The following SLCO1B1 variants were observed in gnomAD, a reference collection of about 807,000 sequenced individuals.
The protein encoded by SLCO1B1 is solute carrier organic anion transporter family member 1B1.
In SLCO1B1, 81 loss-of-function variants were observed where a neutral mutation model predicts 70.1. The ratio of observed to expected loss-of-function variants is 1.16; its 90% confidence interval spans 0.97 to 1.39. The LOEUF (loss-of-function observed/expected upper bound fraction) is 1.39, where lower values mean the gene tolerates loss of function less well. SLCO1B1 is among the 40% of genes most tolerant of loss of function. The pLI is 0.00. For missense variants in SLCO1B1, 895 were observed against 799.6 expected (o/e 1.12, Z -1.44); for synonymous variants, 283 against 271.5 (o/e 1.04, Z -0.42).
At chr12:21,146,831 A>G (rs1359855909) in intron 2 of SLCO1B1, among the ~76,000 whole-genome samples, 2 of 152,286 alleles carry the variant, frequency 1.3e-5, no homozygotes, top group African/African-American at 4.8e-5. Context: ...GGTGTGTTTT[A>G]TGGCTTAGGC....
Position 21,205,817 on chromosome 12 carries a change from CTTT to C in SLCO1B1, c.1332-48_1332-46del, listed in dbSNP as rs146186292. On this transcript the variant is annotated intron_variant, in intron 10 of 14. Transcript: ENST00000256958. ...TCTTCCTTCTCCTCCCCTTCTTTGT[CTTT>C]TTCTTCTCTCTCTCTCTTTTTGATA... 3.1e-4 allele frequency: 423 copies of C among 1,386,772 alleles called. 6 individuals carry two copies. The East Asian group carries it at 8.2e-3, about 27-fold the overall frequency. 85.9% of individuals were successfully genotyped at this position (1,386,772 alleles called of 1,614,324 possible). A position where few individuals can be genotyped will look rare whatever the true frequency, so the allele number is the denominator to read the frequency against.
chr12:21,205,834 CTCTT>C (rs1941209253), intron 10 of SLCO1B1, 30 bp from the exon 11 acceptor site: 2 of 1,493,362 alleles, frequency 1.3e-6, no homozygotes, highest in East Asian at 4.6e-5. Flanking sequence ...TTCTCTCTCT[CTCTT>C]TTTGATATAT....
At chr12:21,224,607 C>T (rs937327401) in intron 13 of SLCO1B1, 115 bp from the exon 14 acceptor site, 46 of 719,572 alleles carry the variant, frequency 6.4e-5, no homozygotes, top group East Asian at 3.3e-4. Flanking sequence ...AAATAATAAA[C>T]GAATCCTCCA....
chr12:21,233,808 CA>C (rs1247735949), intron 14 of SLCO1B1, among the ~76,000 whole-genome samples: 6 of 152,214 alleles, frequency 3.9e-5, no homozygotes, highest in Admixed American at 3.9e-4. Flanking sequence ...GTGCCAGAGT[CA>C]GCCCACAGTC....
rs570692175 is a variant in SLCO1B1 at position 21,165,004 on chromosome 12, C to G, written c.85-7646C>G. Reference sequence around the variant, plus strand: ...TGTTCCTCTGTACCTGCCTCAACTACATAGCTTAGCAGACTAACTGCTATA... The same window carrying G: ...TGTTCCTCTGTACCTGCCTCAACTAGATAGCTTAGCAGACTAACTGCTATA... On this transcript the variant is annotated intron_variant, in intron 2 of 14. Coordinates refer to ENST00000256958, the MANE Select transcript of SLCO1B1 (RefSeq NM_006446.5). 2.7e-4 allele frequency: 93 copies of G among 349,776 alleles called. No individual in the cohort carries two copies. In the Admixed American group the frequency reaches 3.2e-3, roughly 12 times the overall value. 21.7% of individuals were successfully genotyped at this position (349,776 alleles called of 1,614,324 possible).
At position 21,179,025 on chromosome 12, in the gene SLCO1B1, G is replaced by A. The variant is rs1175135466; in HGVS notation, c.727+5G>A. 1.3e-6 allele frequency: 2 copies of A among 1,553,540 alleles called. No individual in the cohort carries two copies. The highest frequency in any genetic ancestry group is 1.8e-6 in the Non-Finnish European group (2 of 1,125,422). On this transcript the variant is annotated splice_donor_5th_base_variant and intron_variant, in intron 7 of 14. Coordinates refer to ENST00000256958, the MANE Select transcript of SLCO1B1 (RefSeq NM_006446.5). ...ATATTGGATATGTAGATCTAAGTAA[G>A]TACAACCAGAACAAGGTACCATGAT... is the stretch of plus-strand genomic sequence containing the variant.
intron 7 of SLCO1B1, among the ~76,000 whole-genome samples, chr12:21,180,003 T>C (rs894955329): frequency 6.6e-6 from 1 of 152,166 alleles, no homozygotes. Context: ...CTGCTTCTGT[T>C]ATTAGTGAAA....
rs1478904381 is a variant in SLCO1B1, at chr12:21,231,266, T to C, written c.1865+6427T>C. ...GGTTCCAAGTCTTTGCTATTGTGAA[T>C]AGTGCAGCAATAAACAAACTTGGCT... On this transcript the variant is annotated intron_variant, in intron 14 of 14. Coordinates refer to ENST00000256958, the MANE Select transcript of SLCO1B1 (RefSeq NM_006446.5). Among the ~76,000 whole-genome samples the C allele has an allele frequency of 2.0e-5, 3 of 152,270 alleles. No individual in the cohort carries two copies. The East Asian group carries it at 5.8e-4, about 29-fold the overall frequency.
At chr12:21,173,401 CTT>C (rs528406550) in intron 3 of SLCO1B1, among the ~76,000 whole-genome samples, 2 of 151,770 alleles carry the variant, frequency 1.3e-5, no homozygotes, top group South Asian at 2.1e-4. Context: ...GAATTTTTCT[CTT>C]TAAATTTTTT....
intron 7 of SLCO1B1, among the ~76,000 whole-genome samples, chr12:21,185,441 A>G (rs958712680): frequency 6.6e-6 from 1 of 152,120 alleles, no homozygotes; most frequent in Admixed American, 6.5e-5. Flanking sequence ...AGAAATCAAT[A>G]CCAAAAAGAT....
chr12:21,205,597 A>G (rs1369637962), intron 10 of SLCO1B1, among the ~76,000 whole-genome samples: 1 of 149,414 alleles, frequency 6.7e-6, no homozygotes, highest in Non-Finnish European at 1.5e-5. Flanking sequence ...TCTAAGTCCT[A>G]CTTAACATCT....
At chr12:21,193,515 G>A (rs1941054909) in intron 7 of SLCO1B1, among the ~76,000 whole-genome samples, 1 of 152,076 alleles carries the variant, frequency 6.6e-6, no homozygotes, top group African/African-American at 2.4e-5. Flanking sequence ...ATATTGGGTT[G>A]TATATTCTTG....
intron 11 of SLCO1B1, among the ~76,000 whole-genome samples, chr12:21,208,670 C>CCT (rs1941242375): frequency 2.6e-5 from 4 of 151,858 alleles, no homozygotes; most frequent in African/African-American, 9.7e-5. Context: ...AAAATCATGC[C>CCT]GGTTGTTTGA....
rs779059572 is a variant in SLCO1B1, at chr12:21,197,068, A to C, written c.850A>C (p.Asn284His). 51 of 1,613,674 alleles carry C rather than the reference A, an allele frequency of 3.2e-5. No homozygotes were observed. The highest frequency in any genetic ancestry group is 4.2e-5 in the Non-Finnish European group (49 of 1,179,782). Residue 284 changes from asparagine to histidine, a missense_variant, in exon 8 of 15, where the codon AAT (asparagine) becomes CAT (histidine). Transcript: ENST00000256958. Reference sequence around the variant, plus strand: ...ATTCTTTTTCTTGCCCCAAACTCCAAATAAACCACAAAAAGAAAGAAAAGC... The same window carrying C: ...ATTCTTTTTCTTGCCCCAAACTCCACATAAACCACAAAAAGAAAGAAAAGC... ...IPFFFLPQTP[N>H]KPQKERKASL... is the part of the protein sequence containing the mutation.
intron 1 of SLCO1B1, among the ~76,000 whole-genome samples, chr12:21,134,273 A>G (rs1228642052): frequency 2.0e-5 from 3 of 152,146 alleles, no homozygotes; most frequent in African/African-American, 7.2e-5. Flanking sequence ...ATGTTCATCA[A>G]GGATATTGGT....
chr12:21,189,315 A>G lies in SLCO1B1; in HGVS notation c.728-7631A>G, dbSNP rs145774720. The stretch of plus-strand genomic sequence containing the variant: ...CATTCTACAGGTGTAAGGTGTAGGA[A>G]AAGAGTGGAGTTGTGCTTTTGATTT... On this transcript the variant is annotated intron_variant, in intron 7 of 14. Transcript: ENST00000256958. Among the ~76,000 whole-genome samples, 242 of 152,274 alleles carry G rather than the reference A, an allele frequency of 1.6e-3. 3 individuals are homozygous for G. Among genetic ancestry groups the G allele is most frequent in the African/African-American group, 5.8e-3 (239 of 41,556 alleles).
intron 9 of SLCO1B1, 140 bp downstream of exon 9, chr12:21,200,812 T>C (rs868065827): frequency 2.3e-5 from 16 of 691,244 alleles, no homozygotes; most frequent in Middle Eastern, 8.6e-4. Context: ...CTTTCTCAAA[T>C]GTTATTAAAC....
intron 7 of SLCO1B1, among the ~76,000 whole-genome samples, chr12:21,186,955 G>A (rs1940969791): frequency 6.6e-6 from 1 of 151,992 alleles, no homozygotes; most frequent in African/African-American, 2.4e-5. Flanking sequence ...AATGATTTGG[G>A]TTTAAAAATT....
intron 2 of SLCO1B1, among the ~76,000 whole-genome samples, chr12:21,151,636 T>G (rs1055797037): frequency 1.3e-5 from 2 of 152,186 alleles, no homozygotes; most frequent in Non-Finnish European, 2.9e-5. Flanking sequence ...GAGTTTCTGA[T>G]TTATATTATT....
Sources: allele counts gnomAD v4.1 joint callset (sites outside exome capture counted in the v4.1 genomes callset), GRCh38; gene constraint gnomAD v4.1.1; transcripts MANE v1.5; gene names NCBI Gene and HGNC (gene_info 2026-07-23, HGNC 2026-07-21).